ARHGEF11: variants seen among roughly 807,000 people sequenced by gnomAD.
ARHGEF11 encodes the protein Rho guanine nucleotide exchange factor 11.
In ARHGEF11, 55 loss-of-function variants were observed where a neutral mutation model predicts 193.7. The ratio of observed to expected loss-of-function variants is 0.28; its 90% CI spans 0.23 to 0.36. The LOEUF is 0.36. Among genes scored for constraint, ARHGEF11 ranks in the 10% least tolerant of loss-of-function variants. ARHGEF11 has a pLI of 1.00. For missense variants in ARHGEF11, 1,723 were observed against 2,005.6 expected (o/e 0.86, Z 2.69); for synonymous variants, 693 against 768.0 (o/e 0.90, Z 1.62).
At position 156,948,190 on chromosome 1, in the gene ARHGEF11, AT is replaced by A; in HGVS notation, c.2143del (p.Met715TrpfsTer23). ...ENPTPPFTPK[M>X]GRRSIESPSL... The stretch of plus-strand genomic sequence containing the variant: ...CGTGCCCATCACTTACCTGCGGCCC[AT>A]TTTGGGAGTGAATGGAGGGGTTGGG... On this transcript the variant is annotated frameshift_variant, in exon 24 of 41. Coordinates refer to ENST00000368194, the MANE Select transcript of ARHGEF11 (RefSeq NM_198236.3). LOFTEE classifies it high-confidence loss of function. This position sits in a 1 kb window ranked among gnomAD's most constrained non-coding sequence, Gnocchi z 4.2. The A allele has an allele frequency of 1.3e-6, 2 of 1,570,412 alleles. No individual in the cohort carries two copies. Among genetic ancestry groups the A allele is most frequent in the Non-Finnish European group, 8.6e-7 (1 of 1,156,290 alleles).
At chr1:156,983,618 T>C (rs1664517372) in intron 3 of ARHGEF11, among the ~76,000 whole-genome samples, 1 of 152,216 alleles carries the variant, frequency 6.6e-6, no homozygotes, top group South Asian at 2.1e-4. Flanking sequence ...ACACCCCTTC[T>C]ATACACAATT....
At chr1:157,012,301 T>G (rs148061732) in intron 1 of ARHGEF11, among the ~76,000 whole-genome samples, 3 of 151,848 alleles carry the variant, frequency 2.0e-5, no homozygotes, top group African/African-American at 7.3e-5. Context: ...AGACAGAGAG[T>G]AGATTAATGG....
chr1:156,948,272 G>A lies in ARHGEF11; in HGVS notation c.2106-44C>T, dbSNP rs183054625. ...CTCTCAGCAACCCTCTATCCTTGCCGCCACCCCTGAGATGTCCATGGGTGC... is the reference window on the plus strand; with the variant it reads ...CTCTCAGCAACCCTCTATCCTTGCCACCACCCCTGAGATGTCCATGGGTGC... On this transcript the variant is annotated intron_variant, in intron 23 of 40. Coordinates refer to ENST00000368194, the MANE Select transcript of ARHGEF11 (RefSeq NM_198236.3). The surrounding 1 kb of genome is among the most constrained non-coding windows in gnomAD (Gnocchi z 4.2). 1.7e-4 allele frequency: 278 copies of A among 1,604,542 alleles called. No homozygotes were observed. The highest frequency in any genetic ancestry group is 1.7e-3 in the East Asian group (76 of 44,568).
chr1:156,991,749 C>T (rs1226735956), intron 1 of ARHGEF11, among the ~76,000 whole-genome samples: 2 of 119,966 alleles, frequency 1.7e-5, no homozygotes, highest in Non-Finnish European at 3.3e-5. Flanking sequence ...CGGAGTCTCG[C>T]TCTGTCGCCC....
intron 18 of ARHGEF11, 131 bp from the exon 19 acceptor site, chr1:156,956,695 A>G: frequency 1.5e-6 from 2 of 1,370,782 alleles, no homozygotes. Context: ...AGAAAAGTCT[A>G]GAATAATTAA....
rs191206781 is a variant in ARHGEF11 at position 156,946,301 on chromosome 1, T to C, written c.2695-139A>G. On this transcript the variant is annotated intron_variant, in intron 28 of 40. Transcript: ENST00000368194. ...ATCACTCAGAAATGGCAGTGGAAGCTTCTTCCTTAAAGATGTAGAGAAGGG... is the reference window on the plus strand; with the variant it reads ...ATCACTCAGAAATGGCAGTGGAAGCCTCTTCCTTAAAGATGTAGAGAAGGG... 3.5e-4 allele frequency: 247 copies of C among 703,248 alleles called. 1 individual carries two copies. The African/African-American group carries it at 4.1e-3, about 12-fold the overall frequency. The allele number at this position is 703,248 out of a possible 1,614,324, so 43.6% of individuals were successfully genotyped here.
rs558618846 is a variant in ARHGEF11, at chr1:156,935,936, C to T, written c.*64G>A. On this transcript the variant is annotated 3_prime_UTR_variant, in exon 41 of 41. Transcript: ENST00000368194. ...GTGTTGGGATCCCCCCTACCCTGTG[C>T]CCCGGTCTCAGGCCAGTCCCTGAAG... is the stretch of plus-strand genomic sequence containing the variant. The T allele has an allele frequency of 3.2e-6, 5 of 1,543,314 alleles. No individual in the cohort carries two copies. The South Asian group carries it at 3.6e-5, about 11-fold the overall frequency.
intron 1 of ARHGEF11, among the ~76,000 whole-genome samples, chr1:157,014,414 T>C (rs1427160732): frequency 8.5e-5 from 13 of 152,150 alleles, no homozygotes; most frequent in Admixed American, 8.5e-4. Context: ...TCTTTTTTTT[T>C]CTCCTCTTTT....
chr1:156,969,932 G>C lies in ARHGEF11; in HGVS notation c.748+66C>G, dbSNP rs932198812. 80 of 1,521,278 alleles carry C rather than the reference G, an allele frequency of 5.3e-5. 1 individual carries two copies. The highest frequency in any genetic ancestry group is 2.7e-4 in the East Asian group (12 of 44,442). The allele number at this position is 1,521,278 out of a possible 1,614,324, so 94.2% of individuals were successfully genotyped here. On this transcript the variant is annotated intron_variant, in intron 9 of 40. Coordinates refer to ENST00000368194, the MANE Select transcript of ARHGEF11 (RefSeq NM_198236.3). Reference sequence around the variant, plus strand: ...TTTCCTGGAATCTGCCCCATGGGGAGGGTAAACAGGTAAGAAACCTGGACT... The same window carrying C: ...TTTCCTGGAATCTGCCCCATGGGGACGGTAAACAGGTAAGAAACCTGGACT...
chr1:156,949,049 AG>A, intron 22 of ARHGEF11: 1 of 985,468 alleles, frequency 1.0e-6, no homozygotes, highest in South Asian at 4.7e-5. Flanking sequence ...ACTGCCTGTC[AG>A]AAAGTTCTAT....
intron 1 of ARHGEF11, among the ~76,000 whole-genome samples, chr1:157,042,690 C>T (rs1203183329): frequency 1.3e-5 from 2 of 152,116 alleles, no homozygotes; most frequent in African/African-American, 4.8e-5. Context: ...ATGAGGATAT[C>T]CAAACCCCCA....
intron 11 of ARHGEF11, among the ~76,000 whole-genome samples, chr1:156,964,839 G>A (rs1661478935): frequency 6.6e-6 from 1 of 152,294 alleles, no homozygotes. Flanking sequence ...AGAAGGTGGT[G>A]GGTGAGCACT....
intron 6 of ARHGEF11, among the ~76,000 whole-genome samples, chr1:156,977,588 A>T (rs1663440763): frequency 1.3e-5 from 2 of 151,736 alleles, no homozygotes; most frequent in African/African-American, 4.8e-5. Context: ...AATTTTTTGT[A>T]TTTTTGGTAG....
At chr1:157,018,039 A>G (rs1669492524) in intron 1 of ARHGEF11, among the ~76,000 whole-genome samples, 1 of 152,202 alleles carries the variant, frequency 6.6e-6, no homozygotes, top group Admixed American at 6.5e-5. Flanking sequence ...GTATGTTTAT[A>G]CATACCAACA....
intron 1 of ARHGEF11, among the ~76,000 whole-genome samples, chr1:157,025,066 C>T (rs1443928556): frequency 1.3e-5 from 2 of 152,210 alleles, no homozygotes; most frequent in East Asian, 3.8e-4. Flanking sequence ...GCAGGCACAT[C>T]AACTTAGGAT....
chr1:156,989,209 T>C (rs1258526663), intron 1 of ARHGEF11, among the ~76,000 whole-genome samples: 1 of 152,126 alleles, frequency 6.6e-6, no homozygotes, highest in Non-Finnish European at 1.5e-5. Flanking sequence ...ACAGATTTTC[T>C]GACCCAACTT....
chr1:156,990,637 C>T (rs1557913573), intron 1 of ARHGEF11, among the ~76,000 whole-genome samples: 1 of 152,050 alleles, frequency 6.6e-6, no homozygotes, highest in Admixed American at 6.5e-5. Context: ...TGGAGTAGTG[C>T]TATGAACTCA....
Position 156,936,841 on chromosome 1 carries a change from A to G in ARHGEF11, c.4605T>C (p.His1535=), listed in dbSNP as rs773149415. 1.1e-5 allele frequency: 17 copies of G among 1,613,934 alleles called. No individual in the cohort carries two copies. The Admixed American group carries it at 2.7e-4, about 25-fold the overall frequency. Residue 1535 remains histidine (H), a synonymous_variant, in exon 40 of 41, where the codon CAT becomes CAC. Transcript: ENST00000368194. ...EPLASDSRNS[H]ELGPCPEDGS... ...CATCCTCAGGGCAGGGCCCCAGTTC[A>G]TGGCTGTTCCTGGAGTCAGAAGCTA... is the stretch of plus-strand genomic sequence containing the variant.
intron 40 of ARHGEF11, 24 bp from the exon 41 acceptor site, chr1:156,936,082 G>T (rs756997715): frequency 2.5e-6 from 4 of 1,613,378 alleles, no homozygotes; most frequent in Non-Finnish European, 3.4e-6. Context: ...ATGAAGGTGA[G>T]GAACTGGCCA....
Sources: allele counts gnomAD v4.1 joint callset (sites outside exome capture counted in the v4.1 genomes callset), GRCh38; gene constraint gnomAD v4.1.1; non-coding constraint Gnocchi (gnomAD v3.1); transcripts MANE v1.5; gene names NCBI Gene and HGNC (gene_info 2026-07-23, HGNC 2026-07-21).